Variants in PTH2R observed in about 807,000 individuals in gnomAD.
PTH2R encodes parathyroid hormone 2 receptor.
Under a neutral mutation model 60.3 loss-of-function variants are expected in PTH2R, and 59 were observed. The ratio of observed to expected loss-of-function variants is 0.98; its 90% CI spans 0.79 to 1.22. PTH2R has a LOEUF of 1.22. Ranked by LOEUF, PTH2R falls within the 50% of genes most tolerant of loss-of-function variation. The pLI is 0.00. For missense variants in PTH2R, 749 were observed against 682.6 expected (o/e 1.10, Z -1.08); for synonymous variants, 256 against 243.8 (o/e 1.05, Z -0.47).
intron 1 of PTH2R, among the ~76,000 whole-genome samples, chr2:208,384,554 T>C (rs1700971028): frequency 6.6e-6 from 1 of 152,156 alleles, no homozygotes; most frequent in Non-Finnish European, 1.5e-5. Context: ...GTAAAAAAGA[T>C]TGTCAATTCA....
intron 8 of PTH2R, among the ~76,000 whole-genome samples, chr2:208,455,002 A>G (rs944474351): frequency 2.0e-5 from 3 of 152,134 alleles, no homozygotes; most frequent in Non-Finnish European, 4.4e-5. Context: ...CCTTCCTCCT[A>G]CTTGCTTCAA....
In PTH2R at chr2:208,360,363, T is replaced by G. The variant is rs554163405; in HGVS notation, c.-259+126T>G. ...GCCTCCCCGAGCCCCTCGGGGCCCC[T>G]TCCCTGGCAGCTGGGATGAGGGCAG... On this transcript the variant is annotated intron_variant, in intron 1 of 12. Transcript: ENST00000617735. The G allele has an allele frequency of 4.7e-4, 144 of 305,106 alleles. 1 individual carries two copies. Among genetic ancestry groups the G allele is most frequent in the African/African-American group, 3.1e-3 (141 of 45,822 alleles). 18.9% of individuals were successfully genotyped at this position (305,106 alleles called of 1,614,324 possible).
intron 12 of PTH2R, 129 bp from the exon 13 acceptor site, chr2:208,493,135 T>A (rs1703443479): frequency 2.0e-6 from 2 of 1,019,254 alleles, no homozygotes; most frequent in Admixed American, 3.0e-5. Context: ...ATAGATAAAG[T>A]CCCTGGCACG....
chr2:208,478,328 A>G (rs1356793565), intron 9 of PTH2R, among the ~76,000 whole-genome samples: 3 of 152,130 alleles, frequency 2.0e-5, no homozygotes, highest in Non-Finnish European at 2.9e-5. Context: ...CCTAAAATCA[A>G]TGTGTCAGCA....
At chr2:208,412,517 G>A (rs1200056577) in intron 1 of PTH2R, among the ~76,000 whole-genome samples, 1 of 152,108 alleles carries the variant, frequency 6.6e-6, no homozygotes, top group Non-Finnish European at 1.5e-5. Flanking sequence ...GATAATCATT[G>A]GCTGATTTCA....
intron 1 of PTH2R, among the ~76,000 whole-genome samples, chr2:208,381,776 A>G (rs1474147225): frequency 2.6e-5 from 4 of 152,094 alleles, no homozygotes; most frequent in Non-Finnish European, 4.4e-5. Context: ...ACTTGCTCTA[A>G]TCAGTTGGCT....
chr2:208,486,967 G>A (rs1023960591), intron 10 of PTH2R, among the ~76,000 whole-genome samples: 4 of 152,218 alleles, frequency 2.6e-5, no homozygotes, highest in Non-Finnish European at 5.9e-5. Context: ...ATGTGAGGAT[G>A]AGTGGGTGGA....
Position 208,437,298 on chromosome 2 carries a change from A to AT in PTH2R, c.179-236dup. On this transcript the variant is annotated intron_variant, in intron 2 of 12. Transcript: ENST00000272847. ...CTACCATAACTAGTATGCTGGAATA[A>AT]TTTGAATATTTTTGATGTATGCAAA... Among the ~76,000 whole-genome samples the AT allele has an allele frequency of 2.0e-5, 3 of 152,338 alleles. No homozygotes were observed. The South Asian group carries it at 6.2e-4, about 32-fold the overall frequency.
intron 9 of PTH2R, among the ~76,000 whole-genome samples, chr2:208,471,157 G>T (rs1702871406): frequency 6.6e-6 from 1 of 152,160 alleles, no homozygotes; most frequent in Non-Finnish European, 1.5e-5. Flanking sequence ...ATAAAAGTTT[G>T]GAAAATTTGC....
At chr2:208,449,762 G>T (rs1702365448) in intron 7 of PTH2R, among the ~76,000 whole-genome samples, 1 of 151,920 alleles carries the variant, frequency 6.6e-6, no homozygotes, top group Admixed American at 6.6e-5. Context: ...TTGTTGCTAA[G>T]AAAGAATATA....
At chr2:208,381,398 A>G (rs959835440) in intron 1 of PTH2R, among the ~76,000 whole-genome samples, 11 of 152,070 alleles carry the variant, frequency 7.2e-5, no homozygotes, top group Admixed American at 6.5e-4. Flanking sequence ...TATCATTTTT[A>G]AAATACAAAT....
chr2:208,377,890 T>C (rs1004390947), intron 1 of PTH2R, among the ~76,000 whole-genome samples: 1 of 133,880 alleles, frequency 7.5e-6, no homozygotes, highest in African/African-American at 2.9e-5. Flanking sequence ...CTTCCCAGAC[T>C]GGGCAGCCAG....
intron 1 of PTH2R, among the ~76,000 whole-genome samples, chr2:208,408,411 G>C (rs1393300534): frequency 6.6e-6 from 1 of 151,994 alleles, no homozygotes; most frequent in Non-Finnish European, 1.5e-5. Context: ...TAAGATATTT[G>C]GATAATATGC....
Position 208,450,787 on chromosome 2 carries a change from C to T in PTH2R, c.892C>T (p.Arg298Ter), listed in dbSNP as rs756896646. The change falls in exon 8 of 13, where the codon CGA becomes TGA. Residue 298 changes from arginine to a stop codon, truncating the protein, a stop_gained. Coordinates refer to ENST00000272847, the MANE Select transcript of PTH2R (RefSeq NM_005048.4). LOFTEE classifies it high-confidence loss of function. ...ATTTGTTGCAGCATGGGCTGTGGCA[C>T]GAGCAACTCTGGCTGATGCGAGGTG... ...AAFVAAWAVA[R>*]ATLADARCWE... 5.0e-6 allele frequency: 8 copies of T among 1,613,934 alleles called. No homozygotes were observed. The highest frequency in any genetic ancestry group is 1.1e-5 in the South Asian group (1 of 91,068).
chr2:208,370,177 C>T (rs1242216728), intron 1 of PTH2R, among the ~76,000 whole-genome samples: 1 of 151,992 alleles, frequency 6.6e-6, no homozygotes, highest in Non-Finnish European at 1.5e-5. Flanking sequence ...GGCACGGTGG[C>T]TCACGCCTGT....
intron 1 of PTH2R, among the ~76,000 whole-genome samples, chr2:208,370,751 C>T (rs1700685304): frequency 6.6e-6 from 1 of 152,068 alleles, no homozygotes; most frequent in Non-Finnish European, 1.5e-5. Context: ...AACCCACCTC[C>T]TAACCCCAAT....
chr2:208,396,407 G>C (rs1357681934), intron 1 of PTH2R, among the ~76,000 whole-genome samples: 6 of 152,020 alleles, frequency 3.9e-5, no homozygotes, highest in Admixed American at 3.9e-4. Context: ...TTTGCAATCT[G>C]CCCATCTGAC....
At chr2:208,389,537 T>C (rs1275137945) in intron 1 of PTH2R, among the ~76,000 whole-genome samples, 1 of 152,198 alleles carries the variant, frequency 6.6e-6, no homozygotes, top group Non-Finnish European at 1.5e-5. Flanking sequence ...AAATGGAAGT[T>C]AGCGCACGTT....
intron 1 of PTH2R, among the ~76,000 whole-genome samples, chr2:208,380,858 A>G (rs1395535049): frequency 6.6e-6 from 1 of 152,116 alleles, no homozygotes; most frequent in Non-Finnish European, 1.5e-5. Flanking sequence ...GGAAGGTGAC[A>G]TGCTGACCTC....
Sources: allele counts gnomAD v4.1 joint callset (sites outside exome capture counted in the v4.1 genomes callset), GRCh38; gene constraint gnomAD v4.1.1; transcripts MANE v1.5; gene names NCBI Gene and HGNC (gene_info 2026-07-23, HGNC 2026-07-21).